The following CD300LF variants were observed in gnomAD, a reference collection of about 807,000 sequenced individuals.
The protein encoded by CD300LF is CD300 molecule like family member f.
Under a neutral mutation model 32.2 loss-of-function variants are expected in CD300LF, and 27 were observed. The ratio of observed to expected loss-of-function variants is 0.84; its 90% CI spans 0.62 to 1.15. CD300LF has a LOEUF of 1.15. Ranked by LOEUF, CD300LF falls within the 50% of genes most tolerant of loss-of-function variation. The pLI is 0.00. For synonymous variants in CD300LF, 139 were observed against 143.2 expected, an observed-to-expected ratio of 0.97 and a Z score of 0.21; for missense variants, 348 against 356.8, an observed-to-expected ratio of 0.98 and a Z score of 0.20.
At chr17:74,712,390 T>C (rs1170273714) in intron 1 of CD300LF, among the ~76,000 whole-genome samples, 1 of 152,108 alleles carries the variant, frequency 6.6e-6, no homozygotes, top group Non-Finnish European at 1.5e-5. Flanking sequence ...ACTCCCTCTC[T>C]GCCCAGCAAA....
chr17:74,700,282 G>C (rs138693644), intron 3 of CD300LF, among the ~76,000 whole-genome samples: 2 of 152,112 alleles, frequency 1.3e-5, no homozygotes, highest in East Asian at 1.9e-4. Flanking sequence ...TCCTGCCTAC[G>C]ACTCACCCCT....
chr17:74,700,217 C>T (rs1440578058), intron 3 of CD300LF, among the ~76,000 whole-genome samples: 2 of 151,858 alleles, frequency 1.3e-5, no homozygotes, highest in South Asian at 2.1e-4. Flanking sequence ...AAATAAATCC[C>T]GTAACAGCCC....
Position 74,695,816 on chromosome 17 carries a change from G to T in CD300LF, c.626C>A (p.Thr209Asn). The change falls in exon 6 of 7, where the codon ACC becomes AAC. Residue 209 changes from threonine to asparagine, a missense_variant. By Grantham distance (65) the Thr-to-Asn change is moderately conservative. Transcript: ENST00000326165. ...LEGDLCYADL[T>N]LQLAGTSPQK... ...CGGGGAGGTTCCGGCCAGCTGCAGGGTCAGGTCTGCATAGCAGAGGTCGCC... is the reference window on the plus strand; with the variant it reads ...CGGGGAGGTTCCGGCCAGCTGCAGGTTCAGGTCTGCATAGCAGAGGTCGCC... The T allele has an allele frequency of 6.2e-7, 1 of 1,614,174 alleles. No homozygotes were observed. The highest frequency in any genetic ancestry group is 8.5e-7 in the Non-Finnish European group (1 of 1,180,018).
chr17:74,694,928 C>A lies in CD300LF; in HGVS notation c.*168G>T. ...TAGAAAACCCCAACTCCTAGAAGCC[C>A]CCTGAGACTTGGCCCCAAGCCCAAC... On this transcript the variant is annotated 3_prime_UTR_variant, in exon 7 of 7. Coordinates refer to ENST00000326165, the MANE Select transcript of CD300LF (RefSeq NM_139018.5). The A allele has an allele frequency of 1.6e-6, 1 of 627,816 alleles. No homozygotes were observed. Among genetic ancestry groups the A allele is most frequent in the East Asian group, 2.9e-5 (1 of 34,688 alleles). 38.9% of individuals were successfully genotyped at this position (627,816 alleles called of 1,614,324 possible). A position where few individuals can be genotyped will look rare whatever the true frequency, so the allele number is the denominator to read the frequency against.
At chr17:74,711,405 C>T (rs547419465) in intron 1 of CD300LF, among the ~76,000 whole-genome samples, 1 of 152,198 alleles carries the variant, frequency 6.6e-6, no homozygotes, top group Admixed American at 6.5e-5. Flanking sequence ...TGTGCCAATG[C>T]ATTTCATAAC....
chr17:74,703,107 G>A lies in CD300LF; in HGVS notation c.383-9C>T, dbSNP rs202053089. On this transcript the variant is annotated splice_polypyrimidine_tract_variant and intron_variant, in intron 2 of 6. Transcript: ENST00000326165. ...TTCTTGGGTGACTGGTGCTGTAAAC[G>A]TAGTGGAGGTAGGCGTGGTGGGGGC... 4.2e-5 allele frequency: 67 copies of A among 1,613,916 alleles called. No individual in the cohort carries two copies. The East Asian group carries it at 4.5e-4, about 11-fold the overall frequency.
intron 3 of CD300LF, 137 bp from the exon 4 acceptor site, chr17:74,698,618 A>G (rs1598217152): frequency 1.3e-6 from 2 of 1,484,020 alleles, no homozygotes; most frequent in Non-Finnish European, 1.8e-6. Flanking sequence ...GGGAACCCTC[A>G]CTCCTGGGGA....
intron 1 of CD300LF, among the ~76,000 whole-genome samples, chr17:74,712,190 C>G (rs1418548310): frequency 6.6e-6 from 1 of 152,150 alleles, no homozygotes; most frequent in African/African-American, 2.4e-5. Context: ...GAATGAGCCT[C>G]TTTCCCTGGC....
chr17:74,695,348 T>G (rs1389648572), intron 6 of CD300LF, 97 bp from the exon 7 acceptor site: 2 of 1,439,468 alleles, frequency 1.4e-6, no homozygotes. Context: ...GATGGACCAT[T>G]CAGGGCTTCT....
chr17:74,702,162 G>C (rs969526984), intron 3 of CD300LF, among the ~76,000 whole-genome samples: 2 of 152,170 alleles, frequency 1.3e-5, no homozygotes, highest in African/African-American at 4.8e-5. Flanking sequence ...CCAGCAAAAG[G>C]AGAACTTGGC....
chr17:74,700,599 G>A (rs187094165), intron 3 of CD300LF, among the ~76,000 whole-genome samples: 23 of 152,114 alleles, frequency 1.5e-4, no homozygotes, highest in Admixed American at 1.3e-3. Context: ...AATAACAGCC[G>A]GGTGTGGTGG....
Position 74,695,211 on chromosome 17 carries a change from G to A in CD300LF, c.758C>T (p.Thr253Ile). ...PKEDISYASL[T>I]LGAEDQEPTY... Reference sequence around the variant, plus strand: ...CGGTTCCTGATCCTCAGCACCCAAGGTCAGAGATGCATAGGAAATGTCCTC... The same window carrying A: ...CGGTTCCTGATCCTCAGCACCCAAGATCAGAGATGCATAGGAAATGTCCTC... Residue 253 changes from threonine to isoleucine, a missense_variant, in exon 7 of 7, where the codon ACC (threonine) becomes ATC (isoleucine). Thr to Ile is a moderately conservative substitution (Grantham distance 89). Transcript: ENST00000326165. The A allele has an allele frequency of 6.2e-7, 1 of 1,614,144 alleles. No individual in the cohort carries two copies. The highest frequency in any genetic ancestry group is 1.1e-5 in the South Asian group (1 of 91,088).
chr17:74,695,702 A>G (rs367805574), intron 6 of CD300LF, 23 bp downstream of exon 6: 21 of 1,613,940 alleles, frequency 1.3e-5, no homozygotes, highest in Non-Finnish European at 1.8e-5. Context: ...CCAGCCTCAC[A>G]GCAGCCCCCA....
intron 1 of CD300LF, among the ~76,000 whole-genome samples, chr17:74,705,874 C>T (rs907851126): frequency 6.6e-6 from 1 of 152,148 alleles, no homozygotes; most frequent in African/African-American, 2.4e-5. Context: ...GGATTACAGG[C>T]GGGCCCCACA....
At chr17:74,711,417 T>C (rs567540770) in intron 1 of CD300LF, among the ~76,000 whole-genome samples, 5 of 152,258 alleles carry the variant, frequency 3.3e-5, no homozygotes, top group African/African-American at 1.2e-4. Flanking sequence ...TTTCATAACA[T>C]CTCACCCAAA....
chr17:74,695,994 TTCTCAGGCTCCTGTACC>T, intron 5 of CD300LF, 135 bp from the exon 6 acceptor site: 1 of 1,281,158 alleles, frequency 7.8e-7, no homozygotes, highest in South Asian at 1.4e-5. Flanking sequence ...TGTCCTCCAC[TTCTCAGGCTCCTGTACC>T]CCTCAGCCCT....
intron 3 of CD300LF, among the ~76,000 whole-genome samples, chr17:74,701,977 G>T (rs1044456287): frequency 6.6e-6 from 1 of 151,724 alleles, no homozygotes; most frequent in South Asian, 2.1e-4. Context: ...AGCCAAGATG[G>T]CACCATGCAC....
intron 3 of CD300LF, among the ~76,000 whole-genome samples, chr17:74,700,391 C>T (rs565844952): frequency 1.3e-5 from 2 of 152,200 alleles, no homozygotes; most frequent in African/African-American, 4.8e-5. Flanking sequence ...TCTCCAGGAA[C>T]ATGCTCCCTC....
intron 1 of CD300LF, 72 bp from the exon 2 acceptor site, chr17:74,704,888 T>C: frequency 8.3e-7 from 1 of 1,200,652 alleles, no homozygotes; most frequent in Non-Finnish European, 1.2e-6. Flanking sequence ...GTTTAGGGAA[T>C]AGCTCCCAAA....
Sources: gnomAD v4.1 joint callset for allele counts (sites outside exome capture counted in the v4.1 genomes callset) on GRCh38, gnomAD v4.1.1 for gene constraint, MANE v1.5 for transcripts, NCBI Gene and HGNC (gene_info 2026-07-23, HGNC 2026-07-21) for gene names.